The following UNC13B variants were observed in gnomAD, a reference collection of about 807,000 sequenced individuals.
UNC13B encodes the protein unc-13 homolog B, also known as protein unc-13 homolog B.
A neutral mutation model predicts 211.0 loss-of-function variants in UNC13B; 144 were observed. That is an observed-to-expected ratio of 0.68 (90% confidence interval 0.60 to 0.78). The LOEUF (loss-of-function observed/expected upper bound fraction) is 0.78, where lower values mean the gene tolerates loss of function less well. Among genes scored for constraint, UNC13B ranks in the 30% least tolerant of loss-of-function variants. UNC13B has a pLI of 0.00. For missense variants in UNC13B, 1,777 were observed against 2,002.0 expected (o/e 0.89, Z 2.14); for synonymous variants, 709 against 725.8 (o/e 0.98, Z 0.37).
At chr9:35,240,971 C>T (rs1825770849) in intron 5 of UNC13B, among the ~76,000 whole-genome samples, 1 of 150,332 alleles carries the variant, frequency 6.7e-6, no homozygotes, top group Admixed American at 6.7e-5. Flanking sequence ...AGGAGAATCA[C>T]TTGAACCCAG....
At chr9:35,313,139 G>C (rs1830265103) in intron 10 of UNC13B, among the ~76,000 whole-genome samples, 1 of 152,138 alleles carries the variant, frequency 6.6e-6, no homozygotes, top group East Asian at 1.9e-4. Context: ...TTGACTCAGG[G>C]CTCTCGCCAT....
chr9:35,182,938 G>A (rs1466665956), intron 1 of UNC13B, among the ~76,000 whole-genome samples: 7 of 151,288 alleles, frequency 4.6e-5, no homozygotes, highest in African/African-American at 1.2e-4. Flanking sequence ...TTTTCTTTTC[G>A]ACAAAACCGC....
intron 1 of UNC13B, among the ~76,000 whole-genome samples, chr9:35,190,759 GTATATC>G (rs1451735774): frequency 6.6e-6 from 1 of 152,152 alleles, no homozygotes; most frequent in African/African-American, 2.4e-5. Flanking sequence ...AGCCTTTTAA[GTATATC>G]TATAACTGGG....
Position 35,301,614 on chromosome 9 carries a change from C to G in UNC13B, c.2210C>G (p.Pro737Arg), listed in dbSNP as rs566325744. 1 of 398,832 alleles carries G rather than the reference C, an allele frequency of 2.5e-6. No individual in the cohort carries two copies. Among genetic ancestry groups the G allele is most frequent in the Non-Finnish European group, 4.4e-6 (1 of 225,936 alleles). The allele number at this position is 398,832 out of a possible 1,614,324, so 24.7% of individuals were successfully genotyped here. ...NLLSSQVTSE[P>R]SNLVSSASKN... ...TTGTCCTCCCAAGTAACCAGTGAAC[C>G]TTCAAACTTAGTTAGTTCTGCAAGT... The change falls in exon 9 of 40, where the codon CCT becomes CGT. Residue 737 changes from proline to arginine, a missense_variant. By Grantham distance (103) the Pro-to-Arg change is moderately radical. Coordinates refer to ENST00000635942, the MANE Select transcript of UNC13B (RefSeq NM_001371189.2).
chr9:35,282,508 T>A (rs987727761), intron 7 of UNC13B, among the ~76,000 whole-genome samples: 1 of 152,186 alleles, frequency 6.6e-6, no homozygotes, highest in African/African-American at 2.4e-5. Context: ...CTCGGCTCAC[T>A]GCAACCTCTG....
intron 16 of UNC13B, 66 bp downstream of exon 16, chr9:35,377,761 C>A: frequency 1.3e-6 from 2 of 1,516,200 alleles, no homozygotes; most frequent in Non-Finnish European, 1.8e-6. Context: ...GGGGAAGAAA[C>A]ATCCTGAGCG....
chr9:35,193,797 G>A (rs1822790439), intron 1 of UNC13B, among the ~76,000 whole-genome samples: 1 of 152,084 alleles, frequency 6.6e-6, no homozygotes, highest in African/African-American at 2.4e-5. Flanking sequence ...ATTTACAGAA[G>A]CAGCATGAAG....
At chr9:35,266,471 C>CA (rs1397884802) in intron 7 of UNC13B, among the ~76,000 whole-genome samples, 2 of 152,182 alleles carry the variant, frequency 1.3e-5, no homozygotes, top group Non-Finnish European at 2.9e-5. Flanking sequence ...GAGGCCAAGG[C>CA]AGGAGAATCA....
chr9:35,232,856 C>T (rs1825291239), intron 3 of UNC13B, among the ~76,000 whole-genome samples: 1 of 152,018 alleles, frequency 6.6e-6, no homozygotes, highest in African/African-American at 2.4e-5. Flanking sequence ...AGAAAAGGGA[C>T]TGGAGTAGAA....
At chr9:35,368,996 A>G (rs1176304648) in intron 12 of UNC13B, among the ~76,000 whole-genome samples, 1 of 152,208 alleles carries the variant, frequency 6.6e-6, no homozygotes, top group African/African-American at 2.4e-5. Context: ...GTAGTTTTCT[A>G]AATGATTCCC....
intron 17 of UNC13B, among the ~76,000 whole-genome samples, chr9:35,378,846 G>A (rs1268406528): frequency 1.3e-5 from 2 of 152,144 alleles, no homozygotes; most frequent in South Asian, 2.1e-4. Flanking sequence ...GAGTGTCCTT[G>A]TCCTAAAACT....
rs1025016080 is a variant in UNC13B, at chr9:35,398,559, C to A, written c.11838C>A (p.Asp3946Glu). ...MFEAMGGKEL[D>E]LEAADSLKEL... ...CTTACCTCCTGTGAATACAGCTGGA[C>A]CTTGAAGCTGCAGACAGTCTGAAGG... Residue 3946 changes from aspartate (D) to glutamate (E), a missense_variant, in exon 32 of 40, where the codon GAC becomes GAA. Physicochemically the swap from Asp to Glu is conservative, Grantham distance 45 (BLOSUM62 2). Transcript: ENST00000635942. The A allele has an allele frequency of 6.2e-7, 1 of 1,613,824 alleles. No individual in the cohort carries two copies. The highest frequency in any genetic ancestry group is 8.5e-7 in the Non-Finnish European group (1 of 1,179,974).
chr9:35,258,930 T>C (rs1020896693), intron 6 of UNC13B, 63 bp from the exon 7 acceptor site: 24 of 1,548,918 alleles, frequency 1.5e-5, no homozygotes, highest in Admixed American at 1.9e-5. Flanking sequence ...GTGATTTTTT[T>C]CCCTGTCTTT....
intron 26 of UNC13B, among the ~76,000 whole-genome samples, chr9:35,390,925 T>TA (rs1835493535): frequency 6.6e-6 from 1 of 152,210 alleles, no homozygotes; most frequent in African/African-American, 2.4e-5. Flanking sequence ...TGTGTGGATG[T>TA]AGCTTCCTCC....
At chr9:35,350,004 A>G (rs959596565) in intron 11 of UNC13B, among the ~76,000 whole-genome samples, 1 of 152,234 alleles carries the variant, frequency 6.6e-6, no homozygotes, top group Non-Finnish European at 1.5e-5. Context: ...AAATGGGGAA[A>G]GCATCCCTGG....
At chr9:35,380,368 G>A in intron 17 of UNC13B, 102 bp from the exon 18 acceptor site, 1 of 1,267,072 alleles carries the variant, frequency 7.9e-7, no homozygotes, top group Admixed American at 2.3e-5. Flanking sequence ...CTCTTTCAGG[G>A]CCTCAAGTGC....
intron 11 of UNC13B, among the ~76,000 whole-genome samples, chr9:35,324,922 C>T (rs1830927205): frequency 6.6e-6 from 1 of 152,178 alleles, no homozygotes; most frequent in Non-Finnish European, 1.5e-5. Context: ...TCACTTGTCC[C>T]ATCAGCATCT....
chr9:35,269,063 A>G (rs944320051), intron 7 of UNC13B, among the ~76,000 whole-genome samples: 3 of 152,162 alleles, frequency 2.0e-5, no homozygotes, highest in African/African-American at 7.2e-5. Flanking sequence ...CTTAATTCTG[A>G]CACTAGAGAT....
At position 35,397,346 on chromosome 9, in the gene UNC13B, A is replaced by T. The variant is rs1287711666; in HGVS notation, c.11676+36A>T. The T allele has an allele frequency of 2.5e-6, 4 of 1,606,706 alleles. No homozygotes were observed. In the Admixed American group the frequency reaches 6.7e-5, roughly 27 times the overall value. ...CTCTTCCTACTCCCTCCCCCTTACC[A>T]CCACCACACTCACAGTCTCATCACA... On this transcript the variant is annotated intron_variant, in intron 29 of 39. Coordinates refer to ENST00000635942, the MANE Select transcript of UNC13B (RefSeq NM_001371189.2).
Sources: allele counts gnomAD v4.1 joint callset (sites outside exome capture counted in the v4.1 genomes callset), GRCh38; gene constraint gnomAD v4.1.1; transcripts MANE v1.5; gene names NCBI Gene and HGNC (gene_info 2026-07-23, HGNC 2026-07-21).